CRB2: variants seen among roughly 807,000 people sequenced by gnomAD.
The protein encoded by CRB2 is crumbs cell polarity complex component 2, also known as protein crumbs homolog 2.
In CRB2, 85 loss-of-function variants were observed where a neutral mutation model predicts 110.9. The observed-to-expected ratio is 0.77, with a 90% CI of 0.64 to 0.92. CRB2 has a LOEUF of 0.92. CRB2 is among the 40% of genes least tolerant of loss of function. The pLI, the probability that CRB2 is intolerant of heterozygous loss-of-function variation, is 0.00. For missense variants in CRB2, 1,843 were observed against 1,851.3 expected, an observed-to-expected ratio of 1.00 and a Z score of 0.08; for synonymous variants, 907 against 831.0, an observed-to-expected ratio of 1.09 and a Z score of -1.57.
At chr9:123,375,064 C>T (rs1257866868) in intron 11 of CRB2, among the ~76,000 whole-genome samples, 153 bp from the exon 12 acceptor site, 1 of 152,192 alleles carries the variant, frequency 6.6e-6, no homozygotes, top group Admixed American at 6.5e-5. Context: ...CAGGTGGTCA[C>T]CTGGCAGGGC....
intron 4 of CRB2, 102 bp downstream of exon 4, chr9:123,366,468 C>A (rs879590781): frequency 4.2e-5 from 57 of 1,366,680 alleles, no homozygotes; most frequent in Non-Finnish European, 4.8e-5. Flanking sequence ...CGAGTGCCCG[C>A]TGGGTCCTCG....
chr9:123,370,778 C>A lies in CRB2; in HGVS notation c.1725C>A (p.Thr575=), dbSNP rs1260908406. Residue 575 remains threonine, a synonymous_variant, in exon 7 of 13, where the codon ACC becomes ACA. Transcript: ENST00000373631. ...GISSAQLGDA[T]FAGCLQDVRV... Reference sequence around the variant, plus strand: ...CCTCTGCCCAGCTGGGGGACGCGACCTTTGCAGGCTGCCTCCAGGACGTGC... The same window carrying A: ...CCTCTGCCCAGCTGGGGGACGCGACATTTGCAGGCTGCCTCCAGGACGTGC... The A allele has an allele frequency of 6.2e-7, 1 of 1,602,736 alleles. No individual in the cohort carries two copies. The highest frequency in any genetic ancestry group is 1.3e-5 in the African/African-American group (1 of 74,898).
downstream of CRB2, chr9:123,378,846 G>T: frequency 1.1e-5 from 1 of 92,706 alleles, no homozygotes; most frequent in African/African-American, 3.9e-5. Flanking sequence ...ATGGAGTCTA[G>T]TTCTGTCACC....
intron 1 of CRB2, among the ~76,000 whole-genome samples, chr9:123,359,308 T>C (rs2041833684): frequency 6.6e-6 from 1 of 152,006 alleles, no homozygotes; most frequent in South Asian, 2.1e-4. Context: ...TTTCTTCCCC[T>C]ATGCTAGAAG....
Position 123,373,157 on chromosome 9 carries a change from G to T in CRB2, c.2626G>T (p.Glu876Ter). ...AGGTGTGGCGGAGGCCACGTTCCGCGAGGGTCCCCCCGCCGCGTTCAGCGG... is the reference window on the plus strand; with the variant it reads ...AGGTGTGGCGGAGGCCACGTTCCGCTAGGGTCCCCCCGCCGCGTTCAGCGG... Reference protein sequence around the residue: ...FVCVAEATFREGPPAAFSGHN... With the variant: ...FVCVAEATFR Residue 876 changes from glutamate (E) to a stop codon, truncating the protein, a stop_gained, in exon 10 of 13, where the codon GAG becomes TAG. Transcript: ENST00000373631. LOFTEE classifies it high-confidence loss of function. 6.6e-7 allele frequency: 1 copy of T among 1,512,398 alleles called. No individual in the cohort carries two copies. The highest frequency in any genetic ancestry group is 1.4e-5 in the African/African-American group (1 of 69,956). 93.7% of individuals were successfully genotyped at this position (1,512,398 alleles called of 1,614,324 possible).
At chr9:123,358,819 G>A (rs561354067) in intron 1 of CRB2, among the ~76,000 whole-genome samples, 6 of 152,362 alleles carry the variant, frequency 3.9e-5, no homozygotes, top group East Asian at 1.9e-4. Context: ...TACTCCGAGC[G>A]CTGGTATAAG....
intron 11 of CRB2, 61 bp downstream of exon 11, chr9:123,374,756 A>C: frequency 7.9e-7 from 1 of 1,262,858 alleles, no homozygotes; most frequent in Non-Finnish European, 1.1e-6. Context: ...CTGTTCCTCC[A>C]GCCAGGGTGG....
rs780338784 is a variant in CRB2, at chr9:123,363,128, G to A, written c.358G>A (p.Gly120Arg). Residue 120 changes from glycine to arginine, a missense_variant, in exon 2 of 13, where the codon GGG becomes AGG. Transcript: ENST00000373631. ...GTGTGCATCCCGGCCGTGCCACCAT[G>A]GGGCCACCTGCCGCAACCTGGCCGA... ...DECASRPCHH[G>R]ATCRNLADRY... 13 of 1,610,572 alleles carry A rather than the reference G, an allele frequency of 8.1e-6. No homozygotes were observed. The South Asian group carries it at 1.4e-4, about 18-fold the overall frequency.
intron 1 of CRB2, among the ~76,000 whole-genome samples, chr9:123,360,160 T>C (rs1388985850): frequency 6.6e-6 from 1 of 152,190 alleles, no homozygotes; most frequent in African/African-American, 2.4e-5. Context: ...GCACCCACCT[T>C]TTCTGGTCTG....
At chr9:123,379,853 G>A (rs1465409222), downstream of CRB2, 1 of 152,358 alleles carries the variant, frequency 6.6e-6, no homozygotes, top group African/African-American at 2.4e-5. Context: ...TCCCGGATGG[G>A]GCCTGGGGGT....
chr9:123,375,711 G>C (rs1371483112), intron 12 of CRB2, among the ~76,000 whole-genome samples: 1 of 152,212 alleles, frequency 6.6e-6, no homozygotes, highest in Non-Finnish European at 1.5e-5. Flanking sequence ...CTCATCTCCA[G>C]GGGTTTCTGA....
chr9:123,376,762 C>G (rs545120227), intron 12 of CRB2, 76 bp from the exon 13 acceptor site: 14 of 1,338,702 alleles, frequency 1.0e-5, no homozygotes, highest in Non-Finnish European at 1.3e-5. Context: ...CCTTGTGCTG[C>G]GCTCTCTGCT....
chr9:123,359,623 T>C (rs532639915), intron 1 of CRB2, among the ~76,000 whole-genome samples: 10 of 152,044 alleles, frequency 6.6e-5, no homozygotes, highest in African/African-American at 1.9e-4. Context: ...TATTTCGTTT[T>C]GTTTTCATAG....
downstream of CRB2, chr9:123,380,051 T>C (rs1212391889): frequency 6.6e-6 from 1 of 152,266 alleles, no homozygotes; most frequent in Non-Finnish European, 1.5e-5. Flanking sequence ...TGTGCAGCAG[T>C]GGCAGCCTCT....
At chr9:123,356,705 T>C (rs2041803760) in intron 1 of CRB2, among the ~76,000 whole-genome samples, 1 of 151,890 alleles carries the variant, frequency 6.6e-6, no homozygotes, top group African/African-American at 2.4e-5. Context: ...ACTTCTGGGT[T>C]TCTAGGGGCT....
At chr9:123,369,539 C>T (rs753107429) in intron 6 of CRB2, among the ~76,000 whole-genome samples, 6 of 151,996 alleles carry the variant, frequency 3.9e-5, no homozygotes, top group Non-Finnish European at 8.8e-5. Flanking sequence ...ATGAGGCATT[C>T]CAAGCAGACA....
rs1231123793 is a variant in CRB2, at chr9:123,377,076, C to T, written c.*14C>T. On this transcript the variant is annotated 3_prime_UTR_variant, in exon 13 of 13. Transcript: ENST00000373631. ...AGACTCATCTAGGCCAGCCTGGCTG[C>T]TGGCACCAGCACCTGGAGGTCCTGA... 8 of 1,526,874 alleles carry T rather than the reference C, an allele frequency of 5.2e-6. No homozygotes were observed. In the Admixed American group the frequency reaches 8.4e-5, roughly 16 times the overall value. 94.6% of individuals were successfully genotyped at this position (1,526,874 alleles called of 1,614,324 possible).
rs968334744 is a variant in CRB2 at position 123,378,145 on chromosome 9, C to T, written c.*1083C>T. The T allele has an allele frequency of 6.6e-6, 1 of 152,312 alleles. No homozygotes were observed. The highest frequency in any genetic ancestry group is 1.5e-5 in the Non-Finnish European group (1 of 68,114). The allele number at this position is 152,312 out of a possible 1,614,324, so 9.4% of individuals were successfully genotyped here. A position where few individuals can be genotyped will look rare whatever the true frequency, so the allele number is the denominator to read the frequency against. ...CTCGGCGAGAGGACTTGAAGGAAGC[C>T]CTCTGGGTTGTCTGCTGAGTACAGG... On this transcript the variant is annotated 3_prime_UTR_variant, in exon 13 of 13. Transcript: ENST00000373631.
chr9:123,378,821 TTTTTTTTTTTTG>T (rs2042153181), downstream of CRB2: 1 of 130,732 alleles, frequency 7.6e-6, no homozygotes, highest in South Asian at 2.8e-4. Context: ...TTTTTTTTTT[TTTTTTTTTTTTG>T]AGATGGAGTC....
Sources: allele counts gnomAD v4.1 joint callset (sites outside exome capture counted in the v4.1 genomes callset), GRCh38; gene constraint gnomAD v4.1.1; transcripts MANE v1.5; gene names NCBI Gene and HGNC (gene_info 2026-07-23, HGNC 2026-07-21).